The following PRMT1 variants were observed in gnomAD, a reference collection of about 807,000 sequenced individuals.
PRMT1 encodes the protein protein arginine methyltransferase 1, also known as protein arginine N-methyltransferase 1.
Under a neutral mutation model 47.4 loss-of-function variants are expected in PRMT1, and 5 were observed. The observed-to-expected ratio is 0.11, with a 90% CI of 0.06 to 0.22. The LOEUF (loss-of-function observed/expected upper bound fraction) is 0.22. Among genes scored for constraint, PRMT1 ranks in the 10% least tolerant of loss-of-function variants. PRMT1 has a pLI of 1.00. For missense variants in PRMT1, 249 were observed against 518.4 expected, an observed-to-expected ratio of 0.48 and a Z score of 5.05; for synonymous variants, 227 against 204.6, an observed-to-expected ratio of 1.11 and a Z score of -0.94.
chr19:49,683,041 T>G (rs1001195414), intron 5 of PRMT1, among the ~76,000 whole-genome samples: 8 of 151,736 alleles, frequency 5.3e-5, no homozygotes, highest in African/African-American at 1.9e-4. Context: ...CTGCTTGCCT[T>G]GGCCTCCCAA....
chr19:49,682,259 G>A lies in PRMT1; in HGVS notation c.412G>A (p.Val138Met). The A allele has an allele frequency of 6.2e-7, 1 of 1,612,602 alleles. No homozygotes were observed. The highest frequency in any genetic ancestry group is 8.5e-7 in the Non-Finnish European group (1 of 1,179,786). Residue 138 changes from valine (V) to methionine (M), a missense_variant and splice_region_variant, in exon 5 of 11, where the codon GTG (valine) becomes ATG (methionine). This residue lies in a region of PRMT1 where 190 missense variants were observed against 456.7 expected (regional missense o/e 0.42). Coordinates refer to ENST00000454376, the MANE Select transcript of PRMT1 (RefSeq NM_001536.6). Reference sequence around the variant, plus strand: ...CGTCAAAGCCAACAAGTTAGACCACGGTGAGCCCAGAAAGAGGATGGGTTT... The same window carrying A: ...CGTCAAAGCCAACAAGTTAGACCACAGTGAGCCCAGAAAGAGGATGGGTTT... ...KIVKANKLDH[V>M]VTIIKGKVEE...
chr19:49,679,181 C>T (rs925552140), intron 1 of PRMT1, among the ~76,000 whole-genome samples: 1 of 152,134 alleles, frequency 6.6e-6, no homozygotes, highest in African/African-American at 2.4e-5. Context: ...ACCGTGCCCC[C>T]AAGCCACTTT....
intron 5 of PRMT1, 76 bp from the exon 6 acceptor site, chr19:49,683,851 G>T: frequency 6.5e-7 from 1 of 1,544,750 alleles, no homozygotes; most frequent in Middle Eastern, 1.7e-4. Flanking sequence ...GGGTCCCCAG[G>T]CTCTAGCCCC....
intron 5 of PRMT1, among the ~76,000 whole-genome samples, chr19:49,682,779 A>ATTT (rs58218406): frequency 1.2e-3 from 83 of 70,996 alleles, no homozygotes; most frequent in Middle Eastern, 0.01. Flanking sequence ...CATCCCCAGC[A>ATTT]TTTTTTTTTT....
At position 49,679,900 on chromosome 19, in the gene PRMT1, T is replaced by C; in HGVS notation, c.65T>C (p.Met22Thr). 1 of 1,613,188 alleles carries C rather than the reference T, an allele frequency of 6.2e-7. No individual in the cohort carries two copies. The highest frequency in any genetic ancestry group is 8.5e-7 in the Non-Finnish European group (1 of 1,179,394). Residue 22 changes from methionine (M) to threonine (T), a missense_variant, in exon 2 of 11, where the codon ATG (methionine) becomes ACG (threonine). This residue lies in a region of PRMT1 where 59 missense variants were observed against 61.7 expected (regional missense o/e 0.96). Coordinates refer to ENST00000454376, the MANE Select transcript of PRMT1 (RefSeq NM_001536.6). The part of the protein sequence containing the change: ...ENFVATLANG[M>T]SLQPPLEEVS... ...TTTGTAGCCACCTTGGCTAATGGGATGAGCCTCCAGCCGCCTCTTGAAGAA... is the reference window on the plus strand; with the variant it reads ...TTTGTAGCCACCTTGGCTAATGGGACGAGCCTCCAGCCGCCTCTTGAAGAA...
chr19:49,681,075 G>A lies in PRMT1; in HGVS notation c.192+487G>A, dbSNP rs1018057159. 3.3e-5 allele frequency among the ~76,000 whole-genome samples: 5 copies of A among 152,088 alleles called. No individual in the cohort carries two copies. The East Asian group carries it at 9.6e-4, about 29-fold the overall frequency. On this transcript the variant is annotated intron_variant, in intron 3 of 10. Coordinates refer to ENST00000454376, the MANE Select transcript of PRMT1 (RefSeq NM_001536.6). The surrounding 1 kb of genome is among the most constrained non-coding windows in gnomAD (Gnocchi z 4.4). ...ATTGCCATTTTTTATTTTTAGAGAC[G>A]GTCTCGCTCTGTCGCCCAGGCTAGA...
At chr19:49,677,543 A>T in intron 1 of PRMT1, 1 of 396,498 alleles carries the variant, frequency 2.5e-6, no homozygotes, top group Middle Eastern at 3.4e-4. Flanking sequence ...CCCCCCTCCC[A>T]CGTGGAGGAG....
chr19:49,679,453 G>A (rs1419218430), intron 1 of PRMT1: 42 of 472,842 alleles, frequency 8.9e-5, no homozygotes, highest in South Asian at 5.9e-4. Flanking sequence ...TGCCAGCCCC[G>A]CTCCCTTCTG....
chr19:49,679,783 A>AC (rs949276440), intron 1 of PRMT1, 89 bp from the exon 2 acceptor site: 80 of 951,362 alleles, frequency 8.4e-5, no homozygotes, highest in Non-Finnish European at 6.6e-5. Flanking sequence ...CTGGAAACCC[A>AC]CCCCCCGGCC....
intron 2 of PRMT1, 50 bp downstream of exon 2, chr19:49,679,975 A>G: frequency 1.3e-6 from 2 of 1,531,898 alleles, no homozygotes; most frequent in Middle Eastern, 1.7e-4. Flanking sequence ...CCACATCAAT[A>G]TATCTTGCCA....
chr19:49,687,633 A>G (rs925643429), intron 10 of PRMT1, among the ~76,000 whole-genome samples: 5 of 151,672 alleles, frequency 3.3e-5, no homozygotes, highest in African/African-American at 9.7e-5. Context: ...TCCTGCAGCC[A>G]CAGGACCACC....
At position 49,680,018 on chromosome 19, in the gene PRMT1, C is replaced by T. The variant is rs1026293317; in HGVS notation, c.90+93C>T. 1.6e-5 allele frequency: 22 copies of T among 1,351,016 alleles called. No homozygotes were observed. In the East Asian group the frequency reaches 2.5e-4, roughly 15 times the overall value. The allele number at this position is 1,351,016 out of a possible 1,614,324, so 83.7% of individuals were successfully genotyped here. ...GGCCCTTTCTTGAGGTCTAACCATA[C>T]CCCTCTTGCTTCAAACCAGTTTACC... On this transcript the variant is annotated intron_variant, in intron 2 of 10. Coordinates refer to ENST00000454376, the MANE Select transcript of PRMT1 (RefSeq NM_001536.6). This position sits in a 1 kb window ranked among gnomAD's most constrained non-coding sequence, Gnocchi z 4.2.
intron 10 of PRMT1, among the ~76,000 whole-genome samples, chr19:49,687,452 C>G (rs1237940978): frequency 1.3e-5 from 2 of 152,018 alleles, no homozygotes; most frequent in Non-Finnish European, 2.9e-5. Context: ...CCCTGGGACA[C>G]CCACGAGCCT....
At chr19:49,686,783 G>T (rs535928505) in intron 10 of PRMT1, 57 bp downstream of exon 10, 24 of 1,129,712 alleles carry the variant, frequency 2.1e-5, no homozygotes, top group East Asian at 6.3e-5. Flanking sequence ...AGTGTAGATT[G>T]GGGGGGGAGT....
Position 49,686,246 on chromosome 19 carries a change from G to A in PRMT1, c.910+3G>A, listed in dbSNP as rs562959101. On this transcript the variant is annotated splice_donor_region_variant and intron_variant, in intron 9 of 10. Coordinates refer to ENST00000454376, the MANE Select transcript of PRMT1 (RefSeq NM_001536.6). ...CAAGAGGACCGGCTTCTCCACCAGTGAGGCGGGGCCCACAGGGCTGGGGGC... is the reference window on the plus strand; with the variant it reads ...CAAGAGGACCGGCTTCTCCACCAGTAAGGCGGGGCCCACAGGGCTGGGGGC... 1.9e-6 allele frequency: 3 copies of A among 1,591,094 alleles called. No homozygotes were observed. Among genetic ancestry groups the A allele is most frequent in the African/African-American group, 2.7e-5 (2 of 74,300 alleles).
chr19:49,685,709 A>G lies in PRMT1; in HGVS notation c.760-384A>G. ...ACCCCACTCGGGCCACCCTCCTGAG[A>G]GCCAGGGGAACTGGCGCAGGGTTTA... is the stretch of plus-strand genomic sequence containing the variant. On this transcript the variant is annotated intron_variant, in intron 8 of 10. Coordinates refer to ENST00000454376, the MANE Select transcript of PRMT1 (RefSeq NM_001536.6). This position sits in a 1 kb window ranked among gnomAD's most constrained non-coding sequence, Gnocchi z 4.7. The G allele has an allele frequency of 9.5e-7, 1 of 1,050,152 alleles. No homozygotes were observed. Among genetic ancestry groups the G allele is most frequent in the Non-Finnish European group, 1.1e-6 (1 of 869,964 alleles). 65.1% of individuals were successfully genotyped at this position (1,050,152 alleles called of 1,614,324 possible). A position where few individuals can be genotyped will look rare whatever the true frequency, so the allele number is the denominator to read the frequency against.
intron 1 of PRMT1, among the ~76,000 whole-genome samples, chr19:49,679,174 G>A (rs944976375): frequency 5.3e-5 from 8 of 152,076 alleles, no homozygotes; most frequent in Admixed American, 2.6e-4. Flanking sequence ...GTGAGCCACC[G>A]TGCCCCCAAG....
intron 4 of PRMT1, 48 bp downstream of exon 4, chr19:49,682,113 G>T (rs2082127579): frequency 6.2e-7 from 1 of 1,613,494 alleles, no homozygotes; most frequent in Non-Finnish European, 8.5e-7. Context: ...GGGATGGAGG[G>T]GAGCCCATCA....
chr19:49,685,984 G>C lies in PRMT1; in HGVS notation c.760-109G>C. On this transcript the variant is annotated intron_variant, in intron 8 of 10. Transcript: ENST00000454376. The surrounding 1 kb of genome is among the most constrained non-coding windows in gnomAD (Gnocchi z 4.7). ...GCTGGGTGCCAGTGAGGGAGGGCTA[G>C]CAGGAAGGGGACAGCGAGGTCACAG... The C allele has an allele frequency of 6.6e-7, 1 of 1,508,216 alleles. No individual in the cohort carries two copies. Among genetic ancestry groups the C allele is most frequent in the Non-Finnish European group, 8.8e-7 (1 of 1,134,398 alleles). The allele number at this position is 1,508,216 out of a possible 1,614,324, so 93.4% of individuals were successfully genotyped here. A position where few individuals can be genotyped will look rare whatever the true frequency, so the allele number is the denominator to read the frequency against.
Sources: allele counts gnomAD v4.1 joint callset (sites outside exome capture counted in the v4.1 genomes callset), GRCh38; gene constraint gnomAD v4.1.1; regional missense constraint gnomAD v4.1.1; non-coding constraint Gnocchi (gnomAD v3.1); transcripts MANE v1.5; gene names NCBI Gene and HGNC (gene_info 2026-07-23, HGNC 2026-07-21).